UGGT1: variants seen among roughly 807,000 people sequenced by gnomAD.
UGGT1 encodes UDP-glucose glycoprotein glucosyltransferase 1, also known as UDP-glucose:glycoprotein glucosyltransferase 1.
UGGT1 carries 107 observed loss-of-function variants against 203.9 expected under a neutral mutation model. The ratio of observed to expected loss-of-function variants is 0.52; its 90% CI spans 0.45 to 0.62. The LOEUF (loss-of-function observed/expected upper bound fraction) is 0.62. Ranked by LOEUF, UGGT1 falls within the 20% of genes least tolerant of loss-of-function variation. The probability of loss-of-function intolerance (pLI) is 0.00; values close to 1 mark genes in which losing one functional copy is unlikely to be tolerated. For missense variants in UGGT1, 1,673 were observed against 1,867.2 expected (o/e 0.90, Z 1.92); for synonymous variants, 628 against 653.5 (o/e 0.96, Z 0.59).
intron 17 of UGGT1, among the ~76,000 whole-genome samples, chr2:128,145,224 C>G (rs116867840): frequency 6.6e-6 from 1 of 152,058 alleles, no homozygotes; most frequent in African/African-American, 2.4e-5. Context: ...TTGCATAGAG[C>G]GCTTATAATT....
intron 1 of UGGT1, among the ~76,000 whole-genome samples, chr2:128,094,528 C>T (rs1292062557): frequency 6.6e-6 from 1 of 152,026 alleles, no homozygotes; most frequent in Non-Finnish European, 1.5e-5. Context: ...TGATAGTCTT[C>T]GAGACTAAGG....
At chr2:128,129,415 T>C (rs953619943) in intron 13 of UGGT1, among the ~76,000 whole-genome samples, 4 of 133,720 alleles carry the variant, frequency 3.0e-5, no homozygotes, top group South Asian at 4.6e-4. Context: ...TTTTTTTTTT[T>C]CAAGACAGAG....
At chr2:128,175,894 C>T (rs1691344705) in intron 31 of UGGT1, among the ~76,000 whole-genome samples, 1 of 152,170 alleles carries the variant, frequency 6.6e-6, no homozygotes, top group Admixed American at 6.5e-5. Flanking sequence ...ACTTTCTGCA[C>T]CTTGAAATTT....
chr2:128,092,321 C>CTTATTTATTTATTTATTTATTTAT (rs143592868), intron 1 of UGGT1, among the ~76,000 whole-genome samples: 18 of 145,450 alleles, frequency 1.2e-4, no homozygotes, highest in African/African-American at 4.0e-4. Context: ...TAAAAAAATT[C>CTTATTTATTTATTTATTTATTTAT]TTATTTATTT....
chr2:128,091,422 A>AG lies in UGGT1; in HGVS notation c.58+11dup. On this transcript the variant is annotated splice_region_variant and intron_variant, in intron 1 of 40. Transcript: ENST00000259253. ...GGTGCGCTGCCGGTGACAGGTACCC[A>AG]GGGGTGGCGTGAGGAGGCCTCGTGG... 6.3e-7 allele frequency: 1 copy of AG among 1,579,712 alleles called. No individual in the cohort carries two copies. The highest frequency in any genetic ancestry group is 1.2e-5 in the South Asian group (1 of 86,338).
intron 34 of UGGT1, 29 bp from the exon 35 acceptor site, chr2:128,179,757 G>A: frequency 6.3e-7 from 1 of 1,584,996 alleles, no homozygotes; most frequent in South Asian, 1.1e-5. Context: ...TTGGAAAGCT[G>A]TTATTAATTA....
intron 31 of UGGT1, 121 bp from the exon 32 acceptor site, chr2:128,176,693 G>A (rs970273710): frequency 3.3e-6 from 3 of 914,834 alleles, no homozygotes; most frequent in Non-Finnish European, 5.2e-6. Context: ...TAAGGAGCAA[G>A]AAGATAGCTG....
chr2:128,127,035 G>A (rs1688640512), intron 11 of UGGT1, among the ~76,000 whole-genome samples: 1 of 152,110 alleles, frequency 6.6e-6, no homozygotes, highest in Admixed American at 6.6e-5. Context: ...GCCAGCGAGT[G>A]AGTAGATGTG....
At chr2:128,159,399 T>A (rs1690410296) in intron 22 of UGGT1, 115 bp from the exon 23 acceptor site, 1 of 1,030,276 alleles carries the variant, frequency 9.7e-7, no homozygotes, top group Middle Eastern at 2.2e-4. Context: ...GCGCCCGGCC[T>A]GAGACTTTTA....
rs1271907353 is a variant in UGGT1 at position 128,191,639 on chromosome 2, A to T, written c.*1897A>T. The T allele has an allele frequency of 6.6e-6, 1 of 152,206 alleles. No homozygotes were observed. The highest frequency in any genetic ancestry group is 1.9e-4 in the East Asian group (1 of 5,180). 9.4% of individuals were successfully genotyped at this position (152,206 alleles called of 1,614,324 possible). On this transcript the variant is annotated 3_prime_UTR_variant, in exon 41 of 41. Coordinates refer to ENST00000259253, the MANE Select transcript of UGGT1 (RefSeq NM_020120.4). ...TTTGGGAGGCTGAGGCGGACGGATC[A>T]TGAGGTCAGGAGTTCAAGACCAGCC...
chr2:128,154,189 T>G (rs1018821962), intron 19 of UGGT1, among the ~76,000 whole-genome samples: 1 of 152,202 alleles, frequency 6.6e-6, no homozygotes, highest in African/African-American at 2.4e-5. Flanking sequence ...ACAGCCGGGT[T>G]TTCCTTTCTT....
intron 16 of UGGT1, among the ~76,000 whole-genome samples, chr2:128,141,777 C>T (rs958431809): frequency 3.3e-5 from 5 of 150,892 alleles, no homozygotes; most frequent in African/African-American, 1.2e-4. Context: ...TGCCATTGCA[C>T]TCCAGCCTGG....
Position 128,120,305 on chromosome 2 carries a change from C to T in UGGT1, c.873-51C>T, listed in dbSNP as rs571597798. On this transcript the variant is annotated intron_variant, in intron 8 of 40. Coordinates refer to ENST00000259253, the MANE Select transcript of UGGT1 (RefSeq NM_020120.4). ...TAAAGTTGGTTTACTTCTTCTTATG[C>T]TCCGGGAAAGAAAAAATAATGAAAA... The T allele has an allele frequency of 2.6e-6, 4 of 1,558,718 alleles. No individual in the cohort carries two copies. In the African/African-American group the frequency reaches 4.1e-5, roughly 16 times the overall value.
chr2:128,148,262 A>G (rs374332123), intron 18 of UGGT1, among the ~76,000 whole-genome samples: 1 of 152,042 alleles, frequency 6.6e-6, no homozygotes, highest in Admixed American at 6.6e-5. Flanking sequence ...GGGTTTTACC[A>G]CATCGGCCAG....
rs775945801 is a variant in UGGT1 at position 128,172,639 on chromosome 2, A to G, written c.3171A>G (p.Pro1057=). The G allele has an allele frequency of 7.4e-6, 12 of 1,614,178 alleles. No individual in the cohort carries two copies. Among genetic ancestry groups the G allele is most frequent in the Admixed American group, 1.7e-5 (1 of 60,018 alleles). ...CAGACAATAGTTTTGCTAAGGGTCCAATCGCAAAATTTTTGGATATGCCTC... is the reference window on the plus strand; with the variant it reads ...CAGACAATAGTTTTGCTAAGGGTCCGATCGCAAAATTTTTGGATATGCCTC... The part of the protein sequence containing the change: ...FTSDNSFAKG[P]IAKFLDMPQS... Residue 1057 remains proline, a synonymous_variant, in exon 29 of 41, where the codon CCA becomes CCG. Coordinates refer to ENST00000259253, the MANE Select transcript of UGGT1 (RefSeq NM_020120.4).
intron 1 of UGGT1, among the ~76,000 whole-genome samples, chr2:128,096,064 A>C (rs1687104384): frequency 6.6e-6 from 1 of 152,166 alleles, no homozygotes; most frequent in African/African-American, 2.4e-5. Flanking sequence ...GATGAAAATC[A>C]GAGAAATCTG....
Position 128,121,554 on chromosome 2 carries a change from C to T in UGGT1, c.1073+256C>T, listed in dbSNP as rs1430763837. 2.6e-5 allele frequency among the ~76,000 whole-genome samples: 4 copies of T among 151,998 alleles called. 1 individual carries two copies. Among genetic ancestry groups the T allele is most frequent in the Admixed American group, 1.3e-4 (2 of 15,252 alleles). Reference sequence around the variant, plus strand: ...CCAAGTAGCTGGTACTACAGACGTGCGTCACCATGCCCAGCTAAGTTTTTG... The same window carrying T: ...CCAAGTAGCTGGTACTACAGACGTGTGTCACCATGCCCAGCTAAGTTTTTG... On this transcript the variant is annotated intron_variant, in intron 10 of 40. Transcript: ENST00000259253.
In UGGT1 at chr2:128,161,158, T is replaced by C. The variant is rs1367036545; in HGVS notation, c.2715T>C (p.Asp905=). 6.2e-7 allele frequency: 1 copy of C among 1,613,856 alleles called. No individual in the cohort carries two copies. Among genetic ancestry groups the C allele is most frequent in the East Asian group, 2.2e-5 (1 of 44,868 alleles). Residue 905 remains aspartate (D), a synonymous_variant, in exon 25 of 41, where the codon GAT becomes GAC. Transcript: ENST00000259253. ...CACAGATCATTGGGCCACTGGAGGA[T>C]AGTGAGCTCTTTAATCAAGACGATT... ...SNGRIIGPLE[D]SELFNQDDFH...
chr2:128,157,370 A>G, intron 22 of UGGT1, 24 bp downstream of exon 22: 1 of 1,602,004 alleles, frequency 6.2e-7, no homozygotes, highest in Non-Finnish European at 8.5e-7. Flanking sequence ...ACTTCATTTT[A>G]TATTTTTGTT....
Sources: gnomAD v4.1 joint callset for allele counts (sites outside exome capture counted in the v4.1 genomes callset) on GRCh38, gnomAD v4.1.1 for gene constraint, MANE v1.5 for transcripts, NCBI Gene and HGNC (gene_info 2026-07-23, HGNC 2026-07-21) for gene names.